DNAJA4: variants seen among roughly 807,000 people sequenced by gnomAD.
The protein encoded by DNAJA4 is DnaJ heat shock protein family (Hsp40) member A4.
DNAJA4 carries 32 observed loss-of-function variants against 39.7 expected under a neutral mutation model. The ratio of observed to expected loss-of-function variants is 0.81; its 90% CI spans 0.61 to 1.08. The LOEUF is 1.08. DNAJA4 is among the 50% of genes least tolerant of loss of function. The pLI, the probability that DNAJA4 is intolerant of heterozygous loss-of-function variation, is 0.00. For missense variants in DNAJA4, 439 were observed against 505.1 expected (o/e 0.87, Z 1.25); for synonymous variants, 184 against 182.4 (o/e 1.01, Z -0.07).
At chr15:78,266,793 A>G (rs1303493099) in intron 1 of DNAJA4, among the ~76,000 whole-genome samples, 1 of 152,184 alleles carries the variant, frequency 6.6e-6, no homozygotes, top group South Asian at 2.1e-4. Context: ...CTGTGCCCCC[A>G]TGGCCACTTA....
intron 5 of DNAJA4, among the ~76,000 whole-genome samples, chr15:78,278,828 T>C: frequency 7.1e-6 from 1 of 140,738 alleles, no homozygotes; most frequent in Non-Finnish European, 1.6e-5. Flanking sequence ...GTTTTTCTAT[T>C]TTTTTTTTTT....
chr15:78,280,283 G>C lies in DNAJA4; in HGVS notation c.1017G>C (p.Lys339Asn). ...AAAAACACTGGCTTTCTCTGGAAAA[G>C]CTTCCTCAGCTGGAAGCTTTACTCC... ...FPEKHWLSLE[K>N]LPQLEALLPP... Residue 339 changes from lysine to asparagine, a missense_variant, in exon 7 of 7, where the codon AAG becomes AAC. By Grantham distance (94) the Lys-to-Asn change is moderately conservative. Coordinates refer to ENST00000394852, the MANE Select transcript of DNAJA4 (RefSeq NM_001130182.2). The C allele has an allele frequency of 1.2e-6, 2 of 1,614,204 alleles. No individual in the cohort carries two copies. Among genetic ancestry groups the C allele is most frequent in the Non-Finnish European group, 8.5e-7 (1 of 1,180,030 alleles).
At chr15:78,272,900 C>G (rs1476033442) in intron 2 of DNAJA4, among the ~76,000 whole-genome samples, 195 bp from the exon 3 acceptor site, 1 of 152,188 alleles carries the variant, frequency 6.6e-6, no homozygotes, top group East Asian at 1.9e-4. Context: ...AGGGTATTAG[C>G]TCTTGTTATT....
At chr15:78,278,533 G>A (rs62007839) in intron 5 of DNAJA4, among the ~76,000 whole-genome samples, 103,265 of 152,202 alleles carry the variant, frequency 0.68, 35,226 homozygotes, top group Admixed American at 0.74. Context: ...GGCAGTTGTA[G>A]TACGATGCTG....
intron 5 of DNAJA4, 97 bp downstream of exon 5, chr15:78,275,825 A>G (rs1319417673): frequency 3.8e-5 from 32 of 832,400 alleles, no homozygotes; most frequent in Non-Finnish European, 6.0e-5. Context: ...ATAATATTTT[A>G]CATATTGATG....
intron 1 of DNAJA4, chr15:78,265,402 C>G: frequency 1.5e-6 from 1 of 685,424 alleles, no homozygotes; most frequent in Non-Finnish European, 2.7e-6. Flanking sequence ...GAATGACTAG[C>G]TGGATTTGTT....
intron 5 of DNAJA4, chr15:78,277,729 T>G: frequency 3.3e-6 from 1 of 307,190 alleles, no homozygotes; most frequent in South Asian, 3.0e-5. Flanking sequence ...AGAGCCAGCG[T>G]TCCTTGCTGT....
Position 78,280,129 on chromosome 15 carries a change from T to G in DNAJA4, c.962T>G (p.Leu321Arg), listed in dbSNP as rs1400863981. 6.2e-7 allele frequency: 1 copy of G among 1,614,250 alleles called. No individual in the cohort carries two copies. The highest frequency in any genetic ancestry group is 8.5e-7 in the Non-Finnish European group (1 of 1,180,022). Residue 321 changes from leucine to arginine, a missense_variant, in exon 6 of 7, where the codon CTG (leucine) becomes CGG (arginine). Coordinates refer to ENST00000394852, the MANE Select transcript of DNAJA4 (RefSeq NM_001130182.2). Reference protein sequence around the residue: ...IYKAPLEKGILIIQFLVIFPE... With the variant: ...IYKAPLEKGIRIIQFLVIFPE... ...AAAGCACCCCTGGAAAAAGGGATTC[T>G]GATCATACAGTTTTTAGTAAGTTCA...
At chr15:78,269,552 GCA>G (rs1359156769) in intron 1 of DNAJA4, among the ~76,000 whole-genome samples, 1 of 152,124 alleles carries the variant, frequency 6.6e-6, no homozygotes, top group African/African-American at 2.4e-5. Flanking sequence ...GCTACCTATA[GCA>G]TAACCTTTCA....
upstream of DNAJA4, chr15:78,264,450 C>G: frequency 2.3e-6 from 3 of 1,325,018 alleles, no homozygotes; most frequent in South Asian, 3.8e-5. Flanking sequence ...GAACCCGCCG[C>G]GGGGCCGCCG....
Position 78,266,085 on chromosome 15 carries a change from A to G in DNAJA4, c.132+1190A>G, listed in dbSNP as rs1376656172. 7.6e-6 allele frequency: 5 copies of G among 658,694 alleles called. No individual in the cohort carries two copies. In the South Asian group the frequency reaches 9.9e-5, roughly 13 times the overall value. 40.8% of individuals were successfully genotyped at this position (658,694 alleles called of 1,614,324 possible). A position where few individuals can be genotyped will look rare whatever the true frequency, so the allele number is the denominator to read the frequency against. On this transcript the variant is annotated intron_variant, in intron 1 of 6. Coordinates refer to ENST00000394852, the MANE Select transcript of DNAJA4 (RefSeq NM_001130182.2). ...CTTGCGTTCTTTCTCATCTATATTT[A>G]GATGGCTTACTGTAGCTTTTAAAGG...
Position 78,273,103 on chromosome 15 carries a change from G to C in DNAJA4, c.322G>C (p.Val108Leu), listed in dbSNP as rs139667760. The change falls in exon 3 of 7, where the codon GTT (valine) becomes CTT (leucine). Residue 108 changes from valine (V) to leucine (L), a missense_variant. Val to Leu is a conservative substitution (Grantham distance 32). Coordinates refer to ENST00000394852, the MANE Select transcript of DNAJA4 (RefSeq NM_001130182.2). The part of the protein sequence containing the change: ...RMARERRGKN[V>L]VHQLSVTLED... ...TTTTCTCCCTTGCTAAGGCAAGAAT[G>C]TTGTACACCAGTTATCTGTAACTCT... 1 of 1,591,284 alleles carries C rather than the reference G, an allele frequency of 6.3e-7. No individual in the cohort carries two copies.
chr15:78,274,521 T>A, intron 4 of DNAJA4, 97 bp downstream of exon 4: 1 of 1,032,166 alleles, frequency 9.7e-7, no homozygotes, highest in Non-Finnish European at 1.5e-6. Context: ...AAGTGAGCTG[T>A]ATCACAACAT....
At chr15:78,267,477 T>G (rs2141430945) in intron 1 of DNAJA4, among the ~76,000 whole-genome samples, 1 of 149,658 alleles carries the variant, frequency 6.7e-6, no homozygotes, top group Middle Eastern at 3.4e-3. Context: ...TTTTTTTTTG[T>G]TTTTTGTTTT....
chr15:78,274,383 T>C lies in DNAJA4; in HGVS notation c.605T>C (p.Val202Ala), dbSNP rs1277695280. 2 of 1,614,016 alleles carry C rather than the reference T, an allele frequency of 1.2e-6. No homozygotes were observed. The highest frequency in any genetic ancestry group is 1.7e-6 in the Non-Finnish European group (2 of 1,179,994). ...TGCGAGAGCTGCAGCGGGGCCAAGG[T>C]GATCCGTGAGAAGAAGATTATCGAG... ...DRCESCSGAK[V>A]IREKKIIEVH... The change falls in exon 4 of 7, where the codon GTG becomes GCG. Residue 202 changes from valine to alanine, a missense_variant. Coordinates refer to ENST00000394852, the MANE Select transcript of DNAJA4 (RefSeq NM_001130182.2).
intron 5 of DNAJA4, among the ~76,000 whole-genome samples, chr15:78,277,050 C>T (rs1046492606): frequency 6.6e-6 from 1 of 152,228 alleles, no homozygotes; most frequent in African/African-American, 2.4e-5. Flanking sequence ...TATTTGGAAA[C>T]AATTTCAAGC....
At chr15:78,278,336 A>G (rs1240641288) in intron 5 of DNAJA4, 2 of 454,016 alleles carry the variant, frequency 4.4e-6, no homozygotes, top group East Asian at 7.0e-5. Flanking sequence ...AACCAGTCAT[A>G]TGTAACTTAA....
At chr15:78,272,133 G>A (rs1374009533) in intron 2 of DNAJA4, among the ~76,000 whole-genome samples, 2 of 152,080 alleles carry the variant, frequency 1.3e-5, no homozygotes, top group Non-Finnish European at 2.9e-5. Context: ...TCAGGAGATC[G>A]AGACCATCCT....
chr15:78,265,760 C>G, intron 1 of DNAJA4: 1 of 672,366 alleles, frequency 1.5e-6, no homozygotes. Flanking sequence ...CATTTTCTTA[C>G]AAAACTTTGG....
Sources: allele counts gnomAD v4.1 joint callset (sites outside exome capture counted in the v4.1 genomes callset), GRCh38; gene constraint gnomAD v4.1.1; transcripts MANE v1.5; gene names NCBI Gene and HGNC (gene_info 2026-07-23, HGNC 2026-07-21).